The following PARP8 variants were observed in gnomAD, a reference collection of about 807,000 sequenced individuals.
The protein encoded by PARP8 is protein mono-ADP-ribosyltransferase PARP8.
In PARP8, 51 loss-of-function variants were observed where a neutral mutation model predicts 124.1. That is an observed-to-expected ratio of 0.41 (90% confidence interval 0.33 to 0.52). The LOEUF (loss-of-function observed/expected upper bound fraction) is 0.52. Among genes scored for constraint, PARP8 ranks in the 20% least tolerant of loss-of-function variants. The probability of loss-of-function intolerance (pLI) is 0.21; values close to 1 mark genes in which losing one functional copy is unlikely to be tolerated. For synonymous variants in PARP8, 391 were observed against 361.5 expected, an observed-to-expected ratio of 1.08 and a Z score of -0.93; for missense variants, 860 against 1,018.9, an observed-to-expected ratio of 0.84 and a Z score of 2.12.
intron 2 of PARP8, among the ~76,000 whole-genome samples, chr5:50,704,415 A>T (rs777099996): frequency 4.6e-5 from 7 of 152,156 alleles, no homozygotes; most frequent in Non-Finnish European, 7.4e-5. Flanking sequence ...TACCTAAGTG[A>T]GCACGTGCTC....
chr5:50,830,149 AG>A (rs1746786265), intron 22 of PARP8, among the ~76,000 whole-genome samples, 188 bp downstream of exon 22: 1 of 152,194 alleles, frequency 6.6e-6, no homozygotes, highest in Non-Finnish European at 1.5e-5. Flanking sequence ...CTAGTGTACA[AG>A]ATGGAATATA....
chr5:50,756,963 G>A (rs1760029112), intron 3 of PARP8, among the ~76,000 whole-genome samples: 1 of 152,108 alleles, frequency 6.6e-6, no homozygotes, highest in Non-Finnish European at 1.5e-5. Context: ...TTGGCATAAC[G>A]TCTTCCATGT....
chr5:50,804,448 C>T (rs1230720465), intron 14 of PARP8, among the ~76,000 whole-genome samples: 1 of 152,078 alleles, frequency 6.6e-6, no homozygotes, highest in Non-Finnish European at 1.5e-5. Flanking sequence ...TCCCATTTGC[C>T]CCAACAATAC....
intron 2 of PARP8, among the ~76,000 whole-genome samples, chr5:50,725,895 A>G (rs1756377477): frequency 6.6e-6 from 1 of 152,180 alleles, no homozygotes; most frequent in Non-Finnish European, 1.5e-5. Context: ...CTTAGATAGT[A>G]TACAAAGTTA....
In PARP8 at chr5:50,821,232, C is replaced by A; in HGVS notation, c.1688C>A (p.Ser563Tyr). 6.2e-7 allele frequency: 1 copy of A among 1,613,928 alleles called. No individual in the cohort carries two copies. The highest frequency in any genetic ancestry group is 8.5e-7 in the Non-Finnish European group (1 of 1,179,866). The change falls in exon 16 of 26, where the codon TCC becomes TAC. Residue 563 changes from serine to tyrosine, a missense_variant. Physicochemically the swap from Ser to Tyr is moderately radical, Grantham distance 144. This residue lies in a region of PARP8 where 343 missense variants were observed against 474.7 expected (regional missense o/e 0.72). Transcript: ENST00000281631. ...TTCAAGGTGGTAGATCTACTAGTAT[C>A]CATGTGTAGGTCTGCGTTGGAATCT... ...TGAQVVDLLV[S>Y]MCRSALESPR...
At chr5:50,796,275 A>G (rs1742542497) in intron 12 of PARP8, among the ~76,000 whole-genome samples, 1 of 152,208 alleles carries the variant, frequency 6.6e-6, no homozygotes, top group Non-Finnish European at 1.5e-5. Flanking sequence ...AAAAAATAAG[A>G]TGTTTCAGGA....
chr5:50,766,260 G>C (rs575428932), intron 7 of PARP8, among the ~76,000 whole-genome samples: 2 of 152,288 alleles, frequency 1.3e-5, no homozygotes, highest in East Asian at 3.9e-4. Flanking sequence ...CTGATTTATA[G>C]TCTTTTGTAT....
At chr5:50,756,058 T>C (rs1166092245) in intron 3 of PARP8, among the ~76,000 whole-genome samples, 2 of 152,222 alleles carry the variant, frequency 1.3e-5, no homozygotes, top group East Asian at 1.9e-4. Context: ...CTGAAGTTGC[T>C]TATCAGCTTA....
chr5:50,741,333 G>A (rs527394487), intron 2 of PARP8, among the ~76,000 whole-genome samples: 3 of 152,240 alleles, frequency 2.0e-5, no homozygotes, highest in African/African-American at 7.2e-5. Flanking sequence ...TTGTAGTCAT[G>A]AGTAAAGAAA....
chr5:50,790,656 G>A (rs1741847796), intron 10 of PARP8, among the ~76,000 whole-genome samples: 2 of 152,138 alleles, frequency 1.3e-5, no homozygotes, highest in South Asian at 4.2e-4. Flanking sequence ...TGGCTTCTGG[G>A]TACATTACAT....
At position 50,690,072 on chromosome 5, in the gene PARP8, A is replaced by G. The variant is rs1193550554; in HGVS notation, c.146+21947A>G. On this transcript the variant is annotated intron_variant, in intron 2 of 25. Coordinates refer to ENST00000281631, the MANE Select transcript of PARP8 (RefSeq NM_024615.4). Reference sequence around the variant, plus strand: ...GGGAGACTTTTCTCTCCTCTGCAACATAGGAAACAAACCAGTAGACAAACT... The same window carrying G: ...GGGAGACTTTTCTCTCCTCTGCAACGTAGGAAACAAACCAGTAGACAAACT... Among the ~76,000 whole-genome samples, 5 of 152,210 alleles carry G rather than the reference A, an allele frequency of 3.3e-5. No individual in the cohort carries two copies. In the East Asian group the frequency reaches 9.6e-4, roughly 29 times the overall value.
intron 2 of PARP8, among the ~76,000 whole-genome samples, chr5:50,682,241 C>T (rs994830837): frequency 2.6e-5 from 4 of 152,234 alleles, no homozygotes; most frequent in African/African-American, 9.6e-5. Flanking sequence ...GTGGAGAAAC[C>T]TAGATCTGAG....
intron 10 of PARP8, among the ~76,000 whole-genome samples, chr5:50,789,903 A>G (rs1741756365): frequency 6.6e-6 from 1 of 152,186 alleles, no homozygotes; most frequent in Non-Finnish European, 1.5e-5. Flanking sequence ...CAATATTCTA[A>G]GGGAAAACAT....
At chr5:50,677,119 A>T (rs1750721690) in intron 2 of PARP8, among the ~76,000 whole-genome samples, 1 of 152,104 alleles carries the variant, frequency 6.6e-6, no homozygotes. Flanking sequence ...CAGTGTGCAA[A>T]ATCTTAACGG....
chr5:50,772,785 C>T (rs552368534), intron 7 of PARP8, among the ~76,000 whole-genome samples: 239 of 152,276 alleles, frequency 1.6e-3, no homozygotes, highest in African/African-American at 5.5e-3. Flanking sequence ...CAACCTCTGC[C>T]GACTGGGTTC....
intron 14 of PARP8, among the ~76,000 whole-genome samples, chr5:50,800,409 C>T (rs1743068738): frequency 6.6e-6 from 1 of 152,034 alleles, no homozygotes; most frequent in East Asian, 1.9e-4. Flanking sequence ...ATCAGGATGC[C>T]TTTTATTACT....
chr5:50,761,498 G>A (rs1188856378), intron 5 of PARP8, among the ~76,000 whole-genome samples: 1 of 151,892 alleles, frequency 6.6e-6, no homozygotes, highest in Non-Finnish European at 1.5e-5. Context: ...AATTGAATTA[G>A]TATAAGCTTG....
At chr5:50,748,491 G>A (rs548710586) in intron 2 of PARP8, among the ~76,000 whole-genome samples, 2 of 152,146 alleles carry the variant, frequency 1.3e-5, no homozygotes, top group South Asian at 2.1e-4. Flanking sequence ...TTGACTTTCC[G>A]TCTGGTATTA....
At chr5:50,754,116 CATATATATATATATAT>C (rs373375463) in intron 3 of PARP8, among the ~76,000 whole-genome samples, 1,447 of 64,604 alleles carry the variant, frequency 0.022, 106 homozygotes, top group South Asian at 0.052. Context: ...TGAAAACATT[CATATATATATATATAT>C]ATATATATAT....
Sources: gnomAD v4.1 joint callset for allele counts (sites outside exome capture counted in the v4.1 genomes callset) on GRCh38, gnomAD v4.1.1 for gene constraint, gnomAD v4.1.1 regional missense constraint, MANE v1.5 for transcripts, NCBI Gene and HGNC (gene_info 2026-07-23, HGNC 2026-07-21) for gene names.